CDC14B: variants seen among roughly 807,000 people sequenced by gnomAD.
The protein encoded by CDC14B is cell division cycle 14B, also known as dual specificity protein phosphatase CDC14B.
Under a neutral mutation model 64.2 loss-of-function variants are expected in CDC14B, and 22 were observed. That is an observed-to-expected ratio of 0.34 (90% confidence interval 0.24 to 0.49). The LOEUF (loss-of-function observed/expected upper bound fraction) is 0.49, where lower values mean the gene tolerates loss of function less well. CDC14B is among the 20% of genes least tolerant of loss of function. The pLI, the probability that CDC14B is intolerant of heterozygous loss-of-function variation, is 0.99. For synonymous variants in CDC14B, 191 were observed against 215.8 expected, an observed-to-expected ratio of 0.89 and a Z score of 1.01; for missense variants, 498 against 629.9, an observed-to-expected ratio of 0.79 and a Z score of 2.24.
intron 12 of CDC14B, among the ~76,000 whole-genome samples, chr9:96,516,788 T>C (rs1835735001): frequency 6.6e-6 from 1 of 151,940 alleles, no homozygotes; most frequent in African/African-American, 2.4e-5. Flanking sequence ...TATTTTATTA[T>C]TTATTTATTT....
At chr9:96,585,862 C>T (rs557761678) in intron 1 of CDC14B, among the ~76,000 whole-genome samples, 3 of 152,284 alleles carry the variant, frequency 2.0e-5, no homozygotes, top group Admixed American at 1.3e-4. Context: ...CCCAAATGTA[C>T]ATCAATAAGA....
chr9:96,529,700 C>T (rs1177262237), intron 9 of CDC14B, among the ~76,000 whole-genome samples: 1 of 152,034 alleles, frequency 6.6e-6, no homozygotes, highest in East Asian at 1.9e-4. Context: ...GCCATGCTGT[C>T]CAGGGTGGTC....
In CDC14B at chr9:96,515,745, C is replaced by T. The variant is rs749491974; in HGVS notation, c.1344-5956G>A. The T allele has an allele frequency of 6.2e-7, 1 of 1,606,680 alleles. No homozygotes were observed. The highest frequency in any genetic ancestry group is 8.5e-7 in the Non-Finnish European group (1 of 1,177,010). ...AAGAATGTAGTCACAAACAATCCAC[C>T]AGATGACAACACTACACAGTGCAGA... On this transcript the variant is annotated intron_variant, in intron 12 of 13. Coordinates refer to ENST00000375241, the MANE Select transcript of CDC14B (RefSeq NM_033331.4). This position sits in a 1 kb window ranked among gnomAD's most constrained non-coding sequence, Gnocchi z 4.3.
chr9:96,537,233 A>G (rs1839398988), intron 7 of CDC14B, among the ~76,000 whole-genome samples: 2 of 152,170 alleles, frequency 1.3e-5, no homozygotes, highest in Non-Finnish European at 2.9e-5. Context: ...GAATGCAGTG[A>G]GCCAAGATCG....
intron 13 of CDC14B, among the ~76,000 whole-genome samples, chr9:96,493,469 GA>G (rs1320616807): frequency 6.6e-6 from 1 of 152,212 alleles, no homozygotes; most frequent in East Asian, 1.9e-4. Flanking sequence ...ATGAGGTGTG[GA>G]AAAGGGAATG....
rs757070146 is a variant in CDC14B, at chr9:96,619,197, G to C, written c.160+22C>G. The C allele has an allele frequency of 4.0e-6, 5 of 1,251,310 alleles. No homozygotes were observed. In the Admixed American group the frequency reaches 2.0e-4, roughly 51 times the overall value. 77.5% of individuals were successfully genotyped at this position (1,251,310 alleles called of 1,614,324 possible). A position where few individuals can be genotyped will look rare whatever the true frequency, so the allele number is the denominator to read the frequency against. On this transcript the variant is annotated intron_variant, in intron 1 of 13. Coordinates refer to ENST00000375241, the MANE Select transcript of CDC14B (RefSeq NM_033331.4). ...CGGGTGCGGCCGTCCGGGGCCCTCC[G>C]CGCGCCCACTGGCCGGCTCACCGGT...
At chr9:96,551,504 T>C (rs1366942195) in intron 5 of CDC14B, among the ~76,000 whole-genome samples, 1 of 152,090 alleles carries the variant, frequency 6.6e-6, no homozygotes, top group African/African-American at 2.4e-5. Context: ...TACAGGGATA[T>C]ATGGCAATGT....
chr9:96,574,246 A>G (rs1844656056), intron 1 of CDC14B, among the ~76,000 whole-genome samples: 1 of 152,198 alleles, frequency 6.6e-6, no homozygotes, highest in South Asian at 2.1e-4. Context: ...TGGCACAGAT[A>G]TAATAGGCAA....
chr9:96,617,459 G>C (rs1374026071), intron 1 of CDC14B, among the ~76,000 whole-genome samples: 1 of 152,014 alleles, frequency 6.6e-6, no homozygotes, highest in Non-Finnish European at 1.5e-5. Flanking sequence ...ATACGTACTT[G>C]TTAATGGTTT....
chr9:96,535,122 C>T lies in CDC14B; in HGVS notation c.628-580G>A, dbSNP rs538752376. ...ATTTGTTCGTGATCAGCCTGACCAA[C>T]ATGGAGAAATCCTGCCTCTACTAAA... On this transcript the variant is annotated intron_variant, in intron 7 of 13. Coordinates refer to ENST00000375241, the MANE Select transcript of CDC14B (RefSeq NM_033331.4). 5.3e-5 allele frequency among the ~76,000 whole-genome samples: 8 copies of T among 152,262 alleles called. No individual in the cohort carries two copies. In the South Asian group the frequency reaches 1.7e-3, roughly 32 times the overall value.
intron 1 of CDC14B, among the ~76,000 whole-genome samples, chr9:96,612,275 CT>C (rs1355213389): frequency 6.6e-6 from 1 of 152,210 alleles, no homozygotes; most frequent in Non-Finnish European, 1.5e-5. Flanking sequence ...TTCACTGAAC[CT>C]TTTGTGCAAG....
chr9:96,564,381 T>A (rs1434836875), intron 3 of CDC14B, among the ~76,000 whole-genome samples: 1 of 152,216 alleles, frequency 6.6e-6, no homozygotes, highest in Non-Finnish European at 1.5e-5. Flanking sequence ...TGAGTCCAGC[T>A]TTCTTGTTAG....
chr9:96,593,171 C>CA (rs1845880072), intron 1 of CDC14B, among the ~76,000 whole-genome samples: 1 of 151,872 alleles, frequency 6.6e-6, no homozygotes, highest in African/African-American at 2.4e-5. Flanking sequence ...CTGAGGGACC[C>CA]AAAAGAAGAC....
chr9:96,495,976 G>A (rs555661199), downstream of CDC14B, among the ~76,000 whole-genome samples: 46 of 152,270 alleles, frequency 3.0e-4, no homozygotes, highest in Non-Finnish European at 5.4e-4. Flanking sequence ...AATTTGGTGC[G>A]AACTTTTCTG....
chr9:96,555,360 A>G (rs1191672213), intron 4 of CDC14B, among the ~76,000 whole-genome samples: 1 of 152,208 alleles, frequency 6.6e-6, no homozygotes, highest in Non-Finnish European at 1.5e-5. Flanking sequence ...TCCTGCCAGC[A>G]ATCGGCACTA....
At chr9:96,539,630 C>A (rs750234632) in intron 6 of CDC14B, among the ~76,000 whole-genome samples, 5 of 152,182 alleles carry the variant, frequency 3.3e-5, no homozygotes, top group African/African-American at 4.8e-5. Flanking sequence ...TCAAATTCTT[C>A]CGAACAGTCT....
At chr9:96,615,659 C>G (rs568514343) in intron 1 of CDC14B, among the ~76,000 whole-genome samples, 1 of 152,134 alleles carries the variant, frequency 6.6e-6, no homozygotes, top group Non-Finnish European at 1.5e-5. Context: ...ACGCTGGCGG[C>G]GTAGCCATTC....
intron 12 of CDC14B, among the ~76,000 whole-genome samples, chr9:96,518,525 A>G (rs1285568746): frequency 6.6e-6 from 1 of 152,116 alleles, no homozygotes; most frequent in Non-Finnish European, 1.5e-5. Flanking sequence ...GGGGAAAAAG[A>G]AATTACATGC....
At chr9:96,594,254 G>A (rs1022804265) in intron 1 of CDC14B, among the ~76,000 whole-genome samples, 1 of 152,152 alleles carries the variant, frequency 6.6e-6, no homozygotes, top group African/African-American at 2.4e-5. Flanking sequence ...CTGAATTAAC[G>A]ACATGGAGCT....
Sources: gnomAD v4.1 joint callset for allele counts (sites outside exome capture counted in the v4.1 genomes callset) on GRCh38, gnomAD v4.1.1 for gene constraint, Gnocchi (gnomAD v3.1) non-coding constraint, MANE v1.5 for transcripts, NCBI Gene and HGNC (gene_info 2026-07-23, HGNC 2026-07-21) for gene names.